The following EPHB1 variants were observed in gnomAD, a reference collection of about 807,000 sequenced individuals.
EPHB1 encodes the protein EPH receptor B1, also known as ephrin type-B receptor 1.
A neutral mutation model predicts 94.4 loss-of-function variants in EPHB1; 30 were observed. The ratio of observed to expected loss-of-function variants is 0.32; its 90% CI spans 0.24 to 0.43. The LOEUF (loss-of-function observed/expected upper bound fraction) is 0.43. EPHB1 is among the 20% of genes least tolerant of loss of function. EPHB1 has a pLI of 1.00. For synonymous variants in EPHB1, 522 were observed against 489.1 expected, an observed-to-expected ratio of 1.07 and a Z score of -0.89; for missense variants, 1,055 against 1,308.3, an observed-to-expected ratio of 0.81 and a Z score of 2.99.
At chr3:135,048,468 G>A (rs865971359) in intron 3 of EPHB1, among the ~76,000 whole-genome samples, 36 of 151,840 alleles carry the variant, frequency 2.4e-4, no homozygotes, top group African/African-American at 8.2e-4. Context: ...TGGGGTTTCA[G>A]CATATTGCCC....
intron 4 of EPHB1, among the ~76,000 whole-genome samples, chr3:135,107,480 A>G (rs545581589): frequency 2.6e-5 from 4 of 152,230 alleles, no homozygotes; most frequent in East Asian, 3.9e-4. Context: ...TAAGTATCCC[A>G]TTGTATTTGG....
chr3:134,849,528 T>C (rs1351017189), intron 1 of EPHB1, among the ~76,000 whole-genome samples: 2 of 152,126 alleles, frequency 1.3e-5, no homozygotes, highest in Admixed American at 1.3e-4. Context: ...GTGTTTGGCT[T>C]ACGAGCATTT....
intron 3 of EPHB1, among the ~76,000 whole-genome samples, chr3:134,991,258 G>T (rs899211256): frequency 2.6e-5 from 4 of 152,168 alleles, no homozygotes; most frequent in Admixed American, 6.5e-5. Context: ...TAATTGCCTG[G>T]ATATGTCTCC....
intron 3 of EPHB1, among the ~76,000 whole-genome samples, chr3:134,993,379 C>T (rs1934883150): frequency 6.6e-6 from 1 of 152,222 alleles, no homozygotes; most frequent in South Asian, 2.1e-4. Flanking sequence ...AAATGCCCAG[C>T]ACCAGAGAGC....
chr3:135,198,723 G>A (rs749239093), intron 11 of EPHB1, among the ~76,000 whole-genome samples: 3 of 152,194 alleles, frequency 2.0e-5, no homozygotes, highest in Non-Finnish European at 4.4e-5. Context: ...GATGTTAGCA[G>A]GGATCATTGC....
intron 1 of EPHB1, among the ~76,000 whole-genome samples, chr3:134,871,158 T>C (rs2037491062): frequency 1.3e-5 from 2 of 152,220 alleles, no homozygotes; most frequent in South Asian, 4.1e-4. Flanking sequence ...TATTGGATAA[T>C]GACCTTTTAA....
intron 1 of EPHB1, among the ~76,000 whole-genome samples, chr3:134,913,346 T>G (rs1213850813): frequency 6.6e-6 from 1 of 152,104 alleles, no homozygotes; most frequent in Non-Finnish European, 1.5e-5. Context: ...CGCTGAACTT[T>G]CATCTAACAT....
intron 12 of EPHB1, among the ~76,000 whole-genome samples, chr3:135,218,045 G>A (rs1382471041): frequency 6.6e-6 from 1 of 152,096 alleles, no homozygotes; most frequent in Non-Finnish European, 1.5e-5. Flanking sequence ...CCTGCCTCAT[G>A]AGGCAGTTTT....
rs1411543008 is a variant in EPHB1, at chr3:134,795,469, T to G, written c.-163T>G. On this transcript the variant is annotated 5_prime_UTR_variant, in exon 1 of 16. Coordinates refer to ENST00000398015, the MANE Select transcript of EPHB1 (RefSeq NM_004441.5). ...CCCGCACCGCCCCACGCGCACACAC[T>G]CCTGCCCACGCCCACGCAGCGCTCC... is the stretch of plus-strand genomic sequence containing the variant. The G allele has an allele frequency of 3.1e-6, 2 of 646,856 alleles. No individual in the cohort carries two copies. The highest frequency in any genetic ancestry group is 2.0e-5 in the South Asian group (1 of 50,466). The allele number at this position is 646,856 out of a possible 1,614,324, so 40.1% of individuals were successfully genotyped here. A position where few individuals can be genotyped will look rare whatever the true frequency, so the allele number is the denominator to read the frequency against.
At chr3:135,167,107 G>C (rs1941672865) in intron 9 of EPHB1, 101 bp downstream of exon 9, 2 of 1,392,286 alleles carry the variant, frequency 1.4e-6, no homozygotes, top group Admixed American at 3.6e-5. Flanking sequence ...GCTGGTCCCA[G>C]TGGCAAGTTC....
intron 12 of EPHB1, among the ~76,000 whole-genome samples, chr3:135,232,426 C>T (rs1457751669): frequency 2.6e-5 from 4 of 152,194 alleles, no homozygotes; most frequent in African/African-American, 7.2e-5. Flanking sequence ...GACCCTCACT[C>T]GCAAGCAGGT....
intron 3 of EPHB1, among the ~76,000 whole-genome samples, chr3:135,086,966 C>T (rs1387554855): frequency 6.6e-6 from 1 of 152,186 alleles, no homozygotes; most frequent in African/African-American, 2.4e-5. Context: ...TTATGTAAGT[C>T]ACTCAACTTC....
chr3:135,027,693 G>A (rs1239987397), intron 3 of EPHB1, among the ~76,000 whole-genome samples: 9 of 150,378 alleles, frequency 6.0e-5, no homozygotes, highest in Non-Finnish European at 1.2e-4. Flanking sequence ...CTCTTTTTTG[G>A]TTGTGTCTCT....
intron 3 of EPHB1, among the ~76,000 whole-genome samples, chr3:135,089,009 C>T (rs1001559611): frequency 5.3e-5 from 8 of 152,274 alleles, no homozygotes; most frequent in Middle Eastern, 3.4e-3. Flanking sequence ...TTTTTACACA[C>T]GAGGAAACTG....
In EPHB1 at chr3:135,193,389, C is replaced by T. The variant is rs184968861; in HGVS notation, c.2130+566C>T. On this transcript the variant is annotated intron_variant, in intron 11 of 15. Coordinates refer to ENST00000398015, the MANE Select transcript of EPHB1 (RefSeq NM_004441.5). ...AACTTGCAGCAGAAGTGGGGAGTTG[C>T]TGAAGGCCTTTGGCTGGGAGACCTG... is the stretch of plus-strand genomic sequence containing the variant. 8.2e-4 allele frequency among the ~76,000 whole-genome samples: 125 copies of T among 152,340 alleles called. 1 individual carries two copies. The highest frequency in any genetic ancestry group is 2.8e-3 in the African/African-American group (117 of 41,582).
At chr3:134,876,355 G>A (rs2037616053) in intron 1 of EPHB1, among the ~76,000 whole-genome samples, 1 of 152,192 alleles carries the variant, frequency 6.6e-6, no homozygotes, top group South Asian at 2.1e-4. Flanking sequence ...CTCAGCCTCT[G>A]TAGAGTTGCA....
chr3:135,200,939 A>G (rs1400833909), intron 11 of EPHB1, among the ~76,000 whole-genome samples: 1 of 152,156 alleles, frequency 6.6e-6, no homozygotes, highest in Non-Finnish European at 1.5e-5. Flanking sequence ...TTGTCTTGGA[A>G]AAGAAGAAAG....
chr3:134,846,343 C>G (rs967668386), intron 1 of EPHB1, among the ~76,000 whole-genome samples: 8 of 152,120 alleles, frequency 5.3e-5, no homozygotes, highest in African/African-American at 1.7e-4. Flanking sequence ...GGGCAGGGCT[C>G]CGAGGCCCCA....
chr3:135,045,764 A>T (rs1446591817), intron 3 of EPHB1, among the ~76,000 whole-genome samples: 1 of 152,210 alleles, frequency 6.6e-6, no homozygotes, highest in Non-Finnish European at 1.5e-5. Flanking sequence ...CCAATGTATG[A>T]TGTGACCAAA....
Sources: allele counts gnomAD v4.1 joint callset (sites outside exome capture counted in the v4.1 genomes callset), GRCh38; gene constraint gnomAD v4.1.1; transcripts MANE v1.5; gene names NCBI Gene and HGNC (gene_info 2026-07-23, HGNC 2026-07-21).